TUSC3: variants seen among roughly 807,000 people sequenced by gnomAD.
The protein encoded by TUSC3 is tumor suppressor candidate 3.
Under a neutral mutation model 44.8 loss-of-function variants are expected in TUSC3, and 45 were observed. The ratio of observed to expected loss-of-function variants is 1.00; its 90% CI spans 0.79 to 1.29. The LOEUF (loss-of-function observed/expected upper bound fraction) is 1.29, where lower values mean the gene tolerates loss of function less well. TUSC3 is among the 50% of genes most tolerant of loss of function. TUSC3 has a pLI of 0.00. For missense variants in TUSC3, 519 were observed against 437.9 expected (o/e 1.19, Z -1.65); for synonymous variants, 212 against 152.9 (o/e 1.39, Z -2.85).
intron 3 of TUSC3, 165 bp downstream of exon 3, chr8:15,650,979 A>G (rs539815815): frequency 1.7e-6 from 1 of 593,758 alleles, no homozygotes; most frequent in African/African-American, 2.3e-5. Flanking sequence ...ACAGAGCAAG[A>G]CTTTTACACA....
chr8:15,443,360 G>GTA (rs1386320428), intron 1 of TUSC3, among the ~76,000 whole-genome samples: 4 of 151,436 alleles, frequency 2.6e-5, no homozygotes, highest in African/African-American at 7.3e-5. Context: ...GTGTGTGTGT[G>GTA]TGTGTGTGTG....
At chr8:15,767,732 G>C (rs1310829294), downstream of TUSC3, among the ~76,000 whole-genome samples, 1 of 152,094 alleles carries the variant, frequency 6.6e-6, no homozygotes, top group Non-Finnish European at 1.5e-5. Context: ...GCCTTCGGTT[G>C]ACGTAACTCA....
chr8:15,549,686 T>C (rs961564807), intron 1 of TUSC3, among the ~76,000 whole-genome samples: 1 of 151,502 alleles, frequency 6.6e-6, no homozygotes, highest in Admixed American at 6.6e-5. Context: ...TGGTCCATGT[T>C]TTTTAGAATT....
rs1288290509 is a variant in TUSC3 at position 15,544,510 on chromosome 8, C to T, written c.138+3942C>T. ...AATTGAAGAGCTCATGTTTTCTAAG[C>T]GATCAATTGTTTGACTAAATAAAAC... On this transcript the variant is annotated intron_variant, in intron 1 of 10. Coordinates refer to ENST00000503731, the MANE Select transcript of TUSC3 (RefSeq NM_006765.4). 6.6e-5 allele frequency among the ~76,000 whole-genome samples: 10 copies of T among 151,720 alleles called. No homozygotes were observed. The East Asian group carries it at 7.8e-4, about 12-fold the overall frequency.
intron 1 of TUSC3, among the ~76,000 whole-genome samples, chr8:15,621,061 A>G (rs1011156052): frequency 2.0e-5 from 3 of 152,064 alleles, no homozygotes; most frequent in Non-Finnish European, 4.4e-5. Context: ...CTCATACGTA[A>G]GTAACTTTCT....
At chr8:15,710,829 AATAT>A (rs887510110) in intron 6 of TUSC3, among the ~76,000 whole-genome samples, 6 of 147,552 alleles carry the variant, frequency 4.1e-5, no homozygotes, top group African/African-American at 4.9e-5. Flanking sequence ...TGAATTTATA[AATAT>A]ATATATATTC....
At chr8:15,461,379 A>C (rs1800342536) in intron 1 of TUSC3, among the ~76,000 whole-genome samples, 1 of 151,960 alleles carries the variant, frequency 6.6e-6, no homozygotes, top group African/African-American at 2.4e-5. Context: ...TGTGTACATT[A>C]ATTTTGTATC....
At chr8:15,418,660 A>G (rs1395828018) in intron 1 of TUSC3, among the ~76,000 whole-genome samples, 2 of 152,224 alleles carry the variant, frequency 1.3e-5, no homozygotes, top group East Asian at 3.9e-4. Context: ...CAACAAGGTT[A>G]AGACGAAGAG....
chr8:15,553,325 C>G (rs1460399797), intron 1 of TUSC3, among the ~76,000 whole-genome samples: 1 of 151,644 alleles, frequency 6.6e-6, no homozygotes, highest in Non-Finnish European at 1.5e-5. Flanking sequence ...CTGTTGCAAA[C>G]CCCTCAAAGA....
At chr8:15,746,478 A>G (rs752636650) in intron 8 of TUSC3, among the ~76,000 whole-genome samples, 2 of 152,126 alleles carry the variant, frequency 1.3e-5, no homozygotes, top group African/African-American at 4.8e-5. Flanking sequence ...TCATTATGGC[A>G]TTTTATTTTC....
At chr8:15,606,257 T>TA (rs1804522039) in intron 1 of TUSC3, among the ~76,000 whole-genome samples, 1 of 152,076 alleles carries the variant, frequency 6.6e-6, no homozygotes, top group African/African-American at 2.4e-5. Flanking sequence ...TATGAGTAAA[T>TA]ACAATACAGT....
intron 2 of TUSC3, among the ~76,000 whole-genome samples, chr8:15,505,640 A>C (rs1356459875): frequency 6.6e-6 from 1 of 152,206 alleles, no homozygotes; most frequent in Non-Finnish European, 1.5e-5. Flanking sequence ...CTCCCTGGAG[A>C]ATCTGATTCA....
At chr8:15,459,473 T>C (rs773574946) in intron 1 of TUSC3, among the ~76,000 whole-genome samples, 2 of 152,158 alleles carry the variant, frequency 1.3e-5, no homozygotes, top group African/African-American at 4.8e-5. Context: ...TGATAATATT[T>C]TTTATTTTTC....
At chr8:15,511,525 C>G (rs902631480) in intron 2 of TUSC3, among the ~76,000 whole-genome samples, 1 of 151,984 alleles carries the variant, frequency 6.6e-6, no homozygotes, top group Non-Finnish European at 1.5e-5. Context: ...CACAATACCA[C>G]CAATTATAAT....
At chr8:15,690,380 C>T (rs115973458) in intron 6 of TUSC3, among the ~76,000 whole-genome samples, 3,407 of 150,286 alleles carry the variant, frequency 0.023, 122 homozygotes, top group African/African-American at 0.077. Context: ...ATTTAAGTTT[C>T]TTACAAATTC....
At chr8:15,427,282 G>C (rs528431953) in intron 1 of TUSC3, among the ~76,000 whole-genome samples, 2 of 149,766 alleles carry the variant, frequency 1.3e-5, no homozygotes, top group East Asian at 4.0e-4. Flanking sequence ...GAGGTAGCTG[G>C]TCAGGTATGA....
chr8:15,586,438 AG>A (rs1401279614), intron 1 of TUSC3, among the ~76,000 whole-genome samples: 1 of 152,140 alleles, frequency 6.6e-6, no homozygotes, highest in East Asian at 1.9e-4. Flanking sequence ...CAGCAGAAGG[AG>A]TCAGTAAAGT....
intron 2 of TUSC3, among the ~76,000 whole-genome samples, chr8:15,533,889 A>G (rs28496458): frequency 0.19 from 28,872 of 152,066 alleles, 2,847 homozygotes; most frequent in East Asian, 0.34. Context: ...GTCTGTGGTC[A>G]GGGAGGGGTT....
At chr8:15,539,699 A>T (rs950243179), upstream of TUSC3, among the ~76,000 whole-genome samples, 1 of 152,128 alleles carries the variant, frequency 6.6e-6, no homozygotes, top group Non-Finnish European at 1.5e-5. Flanking sequence ...AAGTAAGTCT[A>T]TTCGTTTTTA....
Sources: gnomAD v4.1 joint callset for allele counts (sites outside exome capture counted in the v4.1 genomes callset) on GRCh38, gnomAD v4.1.1 for gene constraint, MANE v1.5 for transcripts, NCBI Gene and HGNC (gene_info 2026-07-23, HGNC 2026-07-21) for gene names.